The following RGS7 variants were observed in gnomAD, a reference collection of about 807,000 sequenced individuals.
The protein encoded by RGS7 is regulator of G-protein signaling 7.
RGS7 carries 27 observed loss-of-function variants against 81.1 expected under a neutral mutation model. That is an observed-to-expected ratio of 0.33 (90% CI 0.25 to 0.46). The LOEUF (loss-of-function observed/expected upper bound fraction) is 0.46, where lower values mean the gene tolerates loss of function less well. Among genes scored for constraint, RGS7 ranks in the 20% least tolerant of loss-of-function variants. RGS7 has a pLI of 1.00. For missense variants in RGS7, 396 were observed against 607.4 expected, an observed-to-expected ratio of 0.65 and a Z score of 3.66; for synonymous variants, 208 against 207.7, an observed-to-expected ratio of 1.00 and a Z score of -0.01.
At chr1:240,885,474 T>C (rs904346356) in intron 6 of RGS7, among the ~76,000 whole-genome samples, 1 of 152,032 alleles carries the variant, frequency 6.6e-6, no homozygotes, top group Non-Finnish European at 1.5e-5. Context: ...CTATTCACAA[T>C]AGCAAAGACA....
intron 2 of RGS7, among the ~76,000 whole-genome samples, chr1:241,121,710 C>CTTTTTTGTTT (rs2066270125): frequency 1.5e-5 from 1 of 66,412 alleles, no homozygotes; most frequent in Non-Finnish European, 2.7e-5. Context: ...TGCAATTGTT[C>CTTTTTTGTTT]TTTTTTTTTT....
At chr1:240,951,013 C>T (rs1396441863) in intron 4 of RGS7, among the ~76,000 whole-genome samples, 1 of 151,990 alleles carries the variant, frequency 6.6e-6, no homozygotes, top group Non-Finnish European at 1.5e-5. Flanking sequence ...CCTCGACCTC[C>T]CAGGCTCAAG....
chr1:240,941,235 T>G (rs1326521354), intron 4 of RGS7, among the ~76,000 whole-genome samples: 11 of 152,184 alleles, frequency 7.2e-5, no homozygotes, highest in Non-Finnish European at 5.9e-5. Flanking sequence ...ACTTAATAGT[T>G]AAGAGGACTG....
chr1:241,125,971 C>T (rs896746980), intron 2 of RGS7, among the ~76,000 whole-genome samples: 4 of 152,086 alleles, frequency 2.6e-5, no homozygotes, highest in Admixed American at 6.5e-5. Flanking sequence ...TTAAGTGACT[C>T]CCAAGGTTGC....
intron 9 of RGS7, among the ~76,000 whole-genome samples, chr1:240,829,232 A>T (rs1186582563): frequency 6.6e-6 from 1 of 152,156 alleles, no homozygotes; most frequent in East Asian, 1.9e-4. Context: ...TGGTTTGCAT[A>T]TCTATTTAGG....
intron 4 of RGS7, among the ~76,000 whole-genome samples, chr1:240,949,935 C>T (rs1045651458): frequency 6.6e-5 from 10 of 151,000 alleles, no homozygotes; most frequent in African/African-American, 1.5e-4. Context: ...CTCATCCTTT[C>T]GACAAAAGAA....
chr1:241,070,495 C>T (rs2148865255), intron 3 of RGS7, among the ~76,000 whole-genome samples: 1 of 152,264 alleles, frequency 6.6e-6, no homozygotes, highest in Non-Finnish European at 1.5e-5. Context: ...TCACCTTGAC[C>T]TAAAGGCAAC....
At chr1:241,309,683 T>C (rs2080391625) in intron 2 of RGS7, among the ~76,000 whole-genome samples, 1 of 152,238 alleles carries the variant, frequency 6.6e-6, no homozygotes, top group Admixed American at 6.5e-5. Context: ...CATTGTGTTA[T>C]AATGTTATAC....
chr1:241,240,323 AC>A (rs1184263477), intron 2 of RGS7, among the ~76,000 whole-genome samples: 2 of 152,176 alleles, frequency 1.3e-5, no homozygotes, highest in East Asian at 3.9e-4. Context: ...CAGTCTAGGC[AC>A]CCTGCTGACG....
intron 6 of RGS7, among the ~76,000 whole-genome samples, chr1:240,900,528 T>A (rs2148194758): frequency 6.6e-6 from 1 of 152,348 alleles, no homozygotes; most frequent in East Asian, 1.9e-4. Context: ...GACCCTCAGC[T>A]GCAGGTTTGT....
intron 6 of RGS7, chr1:240,920,260 G>C (rs1477895658): frequency 2.3e-5 from 29 of 1,270,084 alleles, no homozygotes; most frequent in Admixed American, 3.4e-5. Context: ...AACTTTGGTG[G>C]TGATCGTGGT....
chr1:240,847,923 C>T (rs1659391254), intron 9 of RGS7, among the ~76,000 whole-genome samples: 1 of 152,134 alleles, frequency 6.6e-6, no homozygotes, highest in South Asian at 2.1e-4. Context: ...AACATTAGAA[C>T]ATCTATTCAT....
intron 10 of RGS7, among the ~76,000 whole-genome samples, chr1:240,824,652 C>T (rs1367510129): frequency 2.0e-5 from 3 of 152,182 alleles, no homozygotes; most frequent in Non-Finnish European, 4.4e-5. Context: ...ATCACAAGCA[C>T]GAATCACGTA....
chr1:241,120,271 C>G (rs2066158484), intron 2 of RGS7, among the ~76,000 whole-genome samples: 1 of 152,162 alleles, frequency 6.6e-6, no homozygotes, highest in South Asian at 2.1e-4. Context: ...CTTTGAGAAG[C>G]CTTTTCTCAT....
At chr1:241,050,938 G>A (rs2061216475) in intron 3 of RGS7, among the ~76,000 whole-genome samples, 1 of 152,188 alleles carries the variant, frequency 6.6e-6, no homozygotes, top group African/African-American at 2.4e-5. Flanking sequence ...TAGCAGCCAA[G>A]CTTTTGGGGA....
At chr1:241,005,002 C>T (rs973290870) in intron 3 of RGS7, among the ~76,000 whole-genome samples, 13 of 152,116 alleles carry the variant, frequency 8.5e-5, no homozygotes, top group African/African-American at 2.7e-4. Flanking sequence ...ACAATTCCAA[C>T]GTGGTAAGTG....
chr1:241,089,063 C>CTCTATATATATATATATA (rs1374552672), intron 3 of RGS7, among the ~76,000 whole-genome samples: 2 of 23,684 alleles, frequency 8.4e-5, no homozygotes, highest in African/African-American at 4.6e-4. Flanking sequence ...CTCTCTCTCT[C>CTCTATATATATATATATA]TATATATATA....
intron 2 of RGS7, among the ~76,000 whole-genome samples, chr1:241,284,157 T>G (rs1321075715): frequency 1.3e-5 from 2 of 152,376 alleles, no homozygotes; most frequent in East Asian, 3.9e-4. Flanking sequence ...TGGTCTTTTC[T>G]CATTCTTTTT....
intron 3 of RGS7, among the ~76,000 whole-genome samples, chr1:241,042,456 T>C (rs1164200934): frequency 6.6e-6 from 1 of 152,210 alleles, no homozygotes; most frequent in African/African-American, 2.4e-5. Context: ...GATGGAGATA[T>C]GTCTCTTTTT....
Sources: gnomAD v4.1 joint callset for allele counts (sites outside exome capture counted in the v4.1 genomes callset) on GRCh38, gnomAD v4.1.1 for gene constraint, MANE v1.5 for transcripts, NCBI Gene and HGNC (gene_info 2026-07-23, HGNC 2026-07-21) for gene names.